Variants in WWOX observed in about 807,000 individuals in gnomAD.
WWOX encodes WW domain-containing oxidoreductase.
In WWOX, 69 loss-of-function variants were observed where a neutral mutation model predicts 46.2. The ratio of observed to expected loss-of-function variants is 1.49; its 90% CI spans 1.23 to 1.82. The LOEUF is 1.82. WWOX is among the 40% of genes most tolerant of loss of function. WWOX has a pLI of 0.00. For synonymous variants in WWOX, 359 were observed against 202.6 expected, an observed-to-expected ratio of 1.77 and a Z score of -6.56; for missense variants, 919 against 542.6, an observed-to-expected ratio of 1.69 and a Z score of -6.89.
chr16:78,229,268 A>AG (rs951326771), intron 5 of WWOX, among the ~76,000 whole-genome samples: 26 of 151,102 alleles, frequency 1.7e-4, no homozygotes, highest in Middle Eastern at 3.4e-3. Flanking sequence ...GAAAAAAAAA[A>AG]CAGGAATAAA....
intron 8 of WWOX, among the ~76,000 whole-genome samples, chr16:78,528,083 C>T (rs2043524036): frequency 7.2e-6 from 1 of 137,940 alleles, no homozygotes; most frequent in Non-Finnish European, 1.5e-5. Flanking sequence ...ACTGCAAGTT[C>T]TGCCTCCTGG....
chr16:78,639,521 T>A (rs764126079), intron 8 of WWOX, among the ~76,000 whole-genome samples: 20 of 151,630 alleles, frequency 1.3e-4, no homozygotes, highest in Non-Finnish European at 2.8e-4. Flanking sequence ...TGGTGGTGGG[T>A]GGGATGGAGA....
intron 8 of WWOX, among the ~76,000 whole-genome samples, chr16:78,441,617 G>A (rs2083446213): frequency 6.6e-6 from 1 of 152,066 alleles, no homozygotes; most frequent in Non-Finnish European, 1.5e-5. Flanking sequence ...AGCTTTAGAG[G>A]TAGACAGCTC....
At chr16:78,995,011 C>G (rs545456033) in intron 8 of WWOX, among the ~76,000 whole-genome samples, 193 of 131,890 alleles carry the variant, frequency 1.5e-3, no homozygotes, top group African/African-American at 5.0e-3. Flanking sequence ...AGCCTCTCTC[C>G]TTTCCCATTA....
At chr16:78,779,139 CA>C (rs2050264152) in intron 8 of WWOX, among the ~76,000 whole-genome samples, 1 of 152,046 alleles carries the variant, frequency 6.6e-6, no homozygotes, top group South Asian at 2.1e-4. Flanking sequence ...AATGTGACTC[CA>C]ACTTGTCTTT....
chr16:79,195,001 T>C (rs2051210468), intron 8 of WWOX, among the ~76,000 whole-genome samples: 1 of 152,184 alleles, frequency 6.6e-6, no homozygotes, highest in South Asian at 2.1e-4. Context: ...TGCTGTCTTC[T>C]GCTGAGTATG....
rs986494090 is a variant in WWOX, at chr16:79,129,197, A to C, written c.1057-82411A>C. On this transcript the variant is annotated intron_variant, in intron 8 of 8. Coordinates refer to ENST00000566780, the MANE Select transcript of WWOX (RefSeq NM_016373.4). ...CTTCATCAAGTATCAAGACAAGTCT[A>C]AGAGAAGGTGGGGAGAGACCATCAG... is the stretch of plus-strand genomic sequence containing the variant. Among the ~76,000 whole-genome samples, 8 of 151,920 alleles carry C rather than the reference A, an allele frequency of 5.3e-5. No individual in the cohort carries two copies. In the South Asian group the frequency reaches 1.5e-3, roughly 28 times the overall value.
chr16:78,368,273 G>C (rs1489537714), intron 5 of WWOX, among the ~76,000 whole-genome samples: 1 of 152,206 alleles, frequency 6.6e-6, no homozygotes, highest in Non-Finnish European at 1.5e-5. Context: ...ATATGGAGGA[G>C]AAAGTTGTAG....
chr16:78,727,075 G>A (rs752248172), intron 8 of WWOX, among the ~76,000 whole-genome samples: 5 of 152,164 alleles, frequency 3.3e-5, no homozygotes, highest in African/African-American at 1.2e-4. Flanking sequence ...GCCCTTGGCA[G>A]ACCATGCAGA....
intron 5 of WWOX, among the ~76,000 whole-genome samples, chr16:78,345,268 G>C (rs1001108547): frequency 2.6e-5 from 3 of 113,548 alleles, no homozygotes; most frequent in African/African-American, 8.9e-5. Context: ...ATAAAAGGGA[G>C]ACTTCAATCT....
intron 8 of WWOX, among the ~76,000 whole-genome samples, chr16:79,014,242 G>A (rs984138867): frequency 2.0e-5 from 3 of 152,150 alleles, no homozygotes; most frequent in African/African-American, 4.8e-5. Context: ...TAGTGGTTAG[G>A]GTGGTTATGA....
At chr16:78,622,200 A>C (rs1311383910) in intron 8 of WWOX, among the ~76,000 whole-genome samples, 1 of 152,102 alleles carries the variant, frequency 6.6e-6, no homozygotes, top group African/African-American at 2.4e-5. Context: ...CTCCTGCACC[A>C]AGTTTCTAAG....
At chr16:79,032,879 A>G (rs1012241665) in intron 8 of WWOX, among the ~76,000 whole-genome samples, 2 of 151,392 alleles carry the variant, frequency 1.3e-5, no homozygotes, top group Admixed American at 6.6e-5. Flanking sequence ...TATTAAGCCT[A>G]GTGCCCATTA....
At chr16:79,049,531 C>G (rs2048127213) in intron 8 of WWOX, among the ~76,000 whole-genome samples, 1 of 152,116 alleles carries the variant, frequency 6.6e-6, no homozygotes, top group Non-Finnish European at 1.5e-5. Context: ...TGTTGAGGGG[C>G]TTTCTCTTAA....
intron 8 of WWOX, among the ~76,000 whole-genome samples, chr16:78,720,256 G>A (rs745782583): frequency 6.0e-5 from 9 of 150,950 alleles, no homozygotes; most frequent in Admixed American, 1.3e-4. Flanking sequence ...GATTATGTGC[G>A]CGTGTGTGAA....
intron 8 of WWOX, among the ~76,000 whole-genome samples, chr16:79,092,862 C>A (rs1482474797): frequency 6.6e-6 from 1 of 152,176 alleles, no homozygotes; most frequent in Non-Finnish European, 1.5e-5. Flanking sequence ...CATAACCCCC[C>A]AGCTCCATAG....
intron 6 of WWOX, among the ~76,000 whole-genome samples, chr16:78,411,627 G>A (rs1324216458): frequency 1.3e-5 from 2 of 152,168 alleles, no homozygotes. Context: ...ACCATTAAAA[G>A]TTTTTGAGAA....
intron 8 of WWOX, among the ~76,000 whole-genome samples, chr16:78,710,544 AT>A (rs890333754): frequency 2.2e-5 from 3 of 136,846 alleles, no homozygotes; most frequent in South Asian, 2.2e-4. Flanking sequence ...TATTTTATAT[AT>A]TTTTATATAT....
chr16:78,530,622 A>G (rs1044278554), intron 8 of WWOX, among the ~76,000 whole-genome samples: 1 of 152,122 alleles, frequency 6.6e-6, no homozygotes, highest in Non-Finnish European at 1.5e-5. Flanking sequence ...GGAAAAGGCA[A>G]TATTTGAGTG....
Sources: allele counts gnomAD v4.1 joint callset (sites outside exome capture counted in the v4.1 genomes callset), GRCh38; gene constraint gnomAD v4.1.1; transcripts MANE v1.5; gene names NCBI Gene and HGNC (gene_info 2026-07-23, HGNC 2026-07-21).